VAX2: variants seen among roughly 807,000 people sequenced by gnomAD.
The protein encoded by VAX2 is ventral anterior homeobox 2.
A neutral mutation model predicts 12.5 loss-of-function variants in VAX2; 8 were observed. The ratio of observed to expected loss-of-function variants is 0.64; its 90% CI spans 0.37 to 1.15. The LOEUF (loss-of-function observed/expected upper bound fraction) is 1.15. VAX2 is among the 50% of genes most tolerant of loss of function. VAX2 has a pLI of 0.01. For missense variants in VAX2, 476 were observed against 412.9 expected (o/e 1.15, Z -1.32); for synonymous variants, 183 against 187.6 (o/e 0.98, Z 0.20).
At chr2:70,910,419 A>G (rs1679155940) in intron 1 of VAX2, among the ~76,000 whole-genome samples, 1 of 152,152 alleles carries the variant, frequency 6.6e-6, no homozygotes, top group South Asian at 2.1e-4. Flanking sequence ...TAAAGTTATG[A>G]TAGTATTTCC....
At chr2:70,925,589 T>A (rs1553413429) in intron 2 of VAX2, among the ~76,000 whole-genome samples, 1 of 152,074 alleles carries the variant, frequency 6.6e-6, no homozygotes, top group East Asian at 1.9e-4. Flanking sequence ...GGAGGGCTGG[T>A]TTTTCTCTGG....
chr2:70,900,669 G>T lies in VAX2; in HGVS notation c.48G>T (p.Ala16=). ...AERDRGPARR[A]ESGGGGGRCG... ...GCGACCGGGGCCCCGCGCGCCGGGCGGAGTCTGGTGGCGGCGGTGGGCGCT... is the reference window on the plus strand; with the variant it reads ...GCGACCGGGGCCCCGCGCGCCGGGCTGAGTCTGGTGGCGGCGGTGGGCGCT... Residue 16 remains alanine, a synonymous_variant, in exon 1 of 3, where the codon GCG becomes GCT. Coordinates refer to ENST00000234392, the MANE Select transcript of VAX2 (RefSeq NM_012476.3). 7.8e-7 allele frequency: 1 copy of T among 1,286,002 alleles called. No homozygotes were observed. Among genetic ancestry groups the T allele is most frequent in the Non-Finnish European group, 9.8e-7 (1 of 1,016,010 alleles). 79.7% of individuals were successfully genotyped at this position (1,286,002 alleles called of 1,614,324 possible).
intron 1 of VAX2, among the ~76,000 whole-genome samples, chr2:70,914,023 C>T (rs547614113): frequency 6.6e-6 from 1 of 152,172 alleles, no homozygotes; most frequent in East Asian, 1.9e-4. Context: ...ATTTGTTCAG[C>T]CATTTCTCTT....
chr2:70,907,943 C>G (rs1558654155), intron 1 of VAX2, among the ~76,000 whole-genome samples: 1 of 152,216 alleles, frequency 6.6e-6, no homozygotes, highest in Non-Finnish European at 1.5e-5. Flanking sequence ...CTTGCTGTCC[C>G]TTGACTGTAG....
At chr2:70,923,247 T>C (rs1389773186) in intron 2 of VAX2, among the ~76,000 whole-genome samples, 5 of 152,114 alleles carry the variant, frequency 3.3e-5, no homozygotes, top group African/African-American at 1.2e-4. Context: ...GGTTGACAGA[T>C]AGTAAAAGTA....
At chr2:70,907,615 G>A (rs572734392) in intron 1 of VAX2, among the ~76,000 whole-genome samples, 38 of 152,396 alleles carry the variant, frequency 2.5e-4, no homozygotes, top group African/African-American at 8.9e-4. Context: ...CCGCGGAGCT[G>A]CGGAAGCCAG....
rs782501912 is a variant in VAX2, at chr2:70,932,856, G to A, written c.525G>A (p.Glu175=). 6.8e-6 allele frequency: 11 copies of A among 1,613,528 alleles called. No homozygotes were observed. The highest frequency in any genetic ancestry group is 9.3e-6 in the Non-Finnish European group (11 of 1,179,924). The change falls in exon 3 of 3, where the codon GAG becomes GAA. Residue 175 remains glutamate (E), a synonymous_variant. Coordinates refer to ENST00000234392, the MANE Select transcript of VAX2 (RefSeq NM_012476.3). ...AGCGGGCGTCCTCCTCAGCCTCCGA[G>A]GCCTTTGCCACCTCCAACATTCTGC... The part of the protein sequence containing the change: ...LEKRASSSAS[E]AFATSNILRL...
chr2:70,906,799 GC>G (rs1679072388), intron 1 of VAX2, among the ~76,000 whole-genome samples: 1 of 152,074 alleles, frequency 6.6e-6, no homozygotes, highest in South Asian at 2.1e-4. Context: ...AGCTGTTTCT[GC>G]CCAGCTCCCA....
intron 1 of VAX2, among the ~76,000 whole-genome samples, chr2:70,914,114 G>A (rs1481180825): frequency 6.6e-6 from 1 of 151,932 alleles, no homozygotes; most frequent in Non-Finnish European, 1.5e-5. Context: ...ATATACTTTG[G>A]AGCACCTGAG....
chr2:70,905,860 T>C (rs1679046025), intron 1 of VAX2, among the ~76,000 whole-genome samples: 2 of 152,208 alleles, frequency 1.3e-5, no homozygotes, highest in Admixed American at 1.3e-4. Flanking sequence ...TCTTCCTCTT[T>C]TGCGCAGCAC....
Position 70,924,931 on chromosome 2 carries a change from G to A in VAX2, c.435+3646G>A, listed in dbSNP as rs551670294. Among the ~76,000 whole-genome samples the A allele has an allele frequency of 1.3e-4, 20 of 152,282 alleles. 2 individuals are homozygous for A. In the South Asian group the frequency reaches 3.9e-3, roughly 30 times the overall value. ...GAGACTAAAAGGAAGTGTTTTACTG[G>A]GGTGTTCAGGGAAGGCCTCTTTGAG... is the stretch of plus-strand genomic sequence containing the variant. On this transcript the variant is annotated intron_variant, in intron 2 of 2. Transcript: ENST00000234392.
At position 70,905,031 on chromosome 2, in the gene VAX2, C is replaced by G. The variant is rs530800887; in HGVS notation, c.247+4163C>G. 3.9e-5 allele frequency among the ~76,000 whole-genome samples: 6 copies of G among 152,310 alleles called. No individual in the cohort carries two copies. In the East Asian group the frequency reaches 5.8e-4, roughly 15 times the overall value. On this transcript the variant is annotated intron_variant, in intron 1 of 2. Transcript: ENST00000234392. ...TACTGCAGGGACAGACGCCTCGCCTCCAGCAGCCGGGTCCAGGCTCAGGGC... is the reference window on the plus strand; with the variant it reads ...TACTGCAGGGACAGACGCCTCGCCTGCAGCAGCCGGGTCCAGGCTCAGGGC...
At chr2:70,928,620 C>G (rs1192645922) in intron 2 of VAX2, among the ~76,000 whole-genome samples, 1 of 152,176 alleles carries the variant, frequency 6.6e-6, no homozygotes, top group African/African-American at 2.4e-5. Flanking sequence ...TGGGAGAGCA[C>G]CTTGTAAATG....
chr2:70,910,928 C>T (rs1679169140), intron 1 of VAX2, among the ~76,000 whole-genome samples: 1 of 151,548 alleles, frequency 6.6e-6, no homozygotes, highest in Admixed American at 6.6e-5. Flanking sequence ...TAGATTCTAG[C>T]TCCTAGTTAG....
At chr2:70,918,239 G>A (rs1486241621) in intron 1 of VAX2, among the ~76,000 whole-genome samples, 1 of 152,190 alleles carries the variant, frequency 6.6e-6, no homozygotes, top group Non-Finnish European at 1.5e-5. Flanking sequence ...TTTCCCTGAG[G>A]CTGACTATGA....
At chr2:70,912,374 A>G (rs72832750) in intron 1 of VAX2, among the ~76,000 whole-genome samples, 3,086 of 152,232 alleles carry the variant, frequency 0.02, 47 homozygotes, top group Admixed American at 0.051. Context: ...AAGTCAGCAT[A>G]TTATCGGCCA....
Position 70,904,933 on chromosome 2 carries a change from G to C in VAX2, c.247+4065G>C, listed in dbSNP as rs1000470195. ...CAGCACAATGGCGTGCAGCCGCCGGGGCCCTAACTCCCAGAGACGCGTCTG... is the reference window on the plus strand; with the variant it reads ...CAGCACAATGGCGTGCAGCCGCCGGCGCCCTAACTCCCAGAGACGCGTCTG... On this transcript the variant is annotated intron_variant, in intron 1 of 2. Transcript: ENST00000234392. The surrounding 1 kb of genome is among the most constrained non-coding windows in gnomAD (Gnocchi z 4.2). Among the ~76,000 whole-genome samples, 20 of 152,184 alleles carry C rather than the reference G, an allele frequency of 1.3e-4. No individual in the cohort carries two copies. Among genetic ancestry groups the C allele is most frequent in the African/African-American group, 4.8e-4 (20 of 41,442 alleles).
Position 70,900,620 on chromosome 2 carries a change from G to T in VAX2, c.-2G>T. 9.5e-6 allele frequency: 12 copies of T among 1,266,826 alleles called. No homozygotes were observed. Among genetic ancestry groups the T allele is most frequent in the Non-Finnish European group, 1.2e-5 (12 of 1,006,468 alleles). The allele number at this position is 1,266,826 out of a possible 1,614,324, so 78.5% of individuals were successfully genotyped here. Reference sequence around the variant, plus strand: ...GTAGAGGGGTTGGCAGTGGCGGTCAGCATGGGCGATGGGGGCGCCGAGCGC... The same window carrying T: ...GTAGAGGGGTTGGCAGTGGCGGTCATCATGGGCGATGGGGGCGCCGAGCGC... On this transcript the variant is annotated 5_prime_UTR_variant, in exon 1 of 3. Transcript: ENST00000234392.
intron 1 of VAX2, among the ~76,000 whole-genome samples, chr2:70,905,920 C>T (rs373862061): frequency 1.2e-4 from 19 of 152,356 alleles, no homozygotes; most frequent in Middle Eastern, 3.4e-3. Context: ...GGTGCCATTT[C>T]CCCAATTACC....
Sources: allele counts gnomAD v4.1 joint callset (sites outside exome capture counted in the v4.1 genomes callset), GRCh38; gene constraint gnomAD v4.1.1; non-coding constraint Gnocchi (gnomAD v3.1); transcripts MANE v1.5; gene names NCBI Gene and HGNC (gene_info 2026-07-23, HGNC 2026-07-21).